Variants in CENPQ observed in about 807,000 individuals in gnomAD.
CENPQ encodes chromosome 6 open reading frame 139.
CENPQ carries 27 observed loss-of-function variants against 36.6 expected under a neutral mutation model. That is an observed-to-expected ratio of 0.74 (90% CI 0.54 to 1.02). The LOEUF (loss-of-function observed/expected upper bound fraction) is 1.02, where lower values mean the gene tolerates loss of function less well. Ranked by LOEUF, CENPQ falls within the 50% of genes least tolerant of loss-of-function variation. CENPQ has a pLI of 0.00. For missense variants in CENPQ, 306 were observed against 301.8 expected (o/e 1.01, Z -0.10); for synonymous variants, 101 against 101.7 (o/e 0.99, Z 0.04).
chr6:49,489,515 C>T (rs1423426235), intron 8 of CENPQ, among the ~76,000 whole-genome samples: 2 of 152,186 alleles, frequency 1.3e-5, no homozygotes, highest in African/African-American at 4.8e-5. Context: ...TTTTTCTAAA[C>T]TCCTGTTATT....
intron 6 of CENPQ, among the ~76,000 whole-genome samples, chr6:49,482,047 C>T (rs560369719): frequency 1.6e-4 from 24 of 152,304 alleles, no homozygotes; most frequent in African/African-American, 5.1e-4. Context: ...CAGTACACCC[C>T]CCGCAGCCGC....
chr6:49,464,362 G>A (rs180894632), intron 1 of CENPQ, among the ~76,000 whole-genome samples: 1 of 152,158 alleles, frequency 6.6e-6, no homozygotes, highest in Admixed American at 6.5e-5. Flanking sequence ...TCTTTTTGCT[G>A]GTGGAGGGTC....
At chr6:49,470,830 T>A in intron 2 of CENPQ, 144 bp from the exon 3 acceptor site, 6 of 415,866 alleles carry the variant, frequency 1.4e-5, no homozygotes, top group Non-Finnish European at 2.5e-5. Flanking sequence ...CCATTTTTCT[T>A]TAGAAGTAGC....
Position 49,488,333 on chromosome 6 carries a change from T to C in CENPQ, c.478-19T>C. On this transcript the variant is annotated intron_variant, in intron 6 of 8. Transcript: ENST00000335783. ...TAATGTGTTTAAGTTAAAATGTTTT[T>C]TTTCTCTTTCTGACTCAGGAAGAAA... 1 of 1,565,204 alleles carries C rather than the reference T, an allele frequency of 6.4e-7. No homozygotes were observed. The highest frequency in any genetic ancestry group is 1.2e-5 in the South Asian group (1 of 84,186).
intron 6 of CENPQ, among the ~76,000 whole-genome samples, chr6:49,482,441 A>C (rs1426810458): frequency 6.6e-6 from 1 of 151,620 alleles, no homozygotes; most frequent in Non-Finnish European, 1.5e-5. Flanking sequence ...CCTGATGACC[A>C]CTCTAGCTAC....
chr6:49,470,149 T>C lies in CENPQ; in HGVS notation c.-18-10T>C. The C allele has an allele frequency of 3.1e-6, 4 of 1,302,596 alleles. No homozygotes were observed. Among genetic ancestry groups the C allele is most frequent in the Non-Finnish European group, 4.3e-6 (4 of 929,774 alleles). 80.7% of individuals were successfully genotyped at this position (1,302,596 alleles called of 1,614,324 possible). Reference sequence around the variant, plus strand: ...ATTTTCATCTTTACAGATTTTTTTTTTTTTCGAAGCACTGTGTTTAGATCA... The same window carrying C: ...ATTTTCATCTTTACAGATTTTTTTTCTTTTCGAAGCACTGTGTTTAGATCA... On this transcript the variant is annotated splice_polypyrimidine_tract_variant and intron_variant, in intron 1 of 8. Transcript: ENST00000335783.
chr6:49,489,668 T>C (rs991805592), intron 8 of CENPQ, among the ~76,000 whole-genome samples: 1 of 152,250 alleles, frequency 6.6e-6, no homozygotes, highest in Non-Finnish European at 1.5e-5. Flanking sequence ...TTATGAAATG[T>C]ATTTCTTAAG....
rs1768097986 is a variant in CENPQ at position 49,470,289 on chromosome 6, T to G, written c.102+11T>G. The G allele has an allele frequency of 6.6e-7, 1 of 1,508,050 alleles. No homozygotes were observed. The highest frequency in any genetic ancestry group is 1.4e-5 in the African/African-American group (1 of 72,024). The allele number at this position is 1,508,050 out of a possible 1,614,324, so 93.4% of individuals were successfully genotyped here. ...TTGTCAGAGAATAAGGTAATGAAAATATCAAGTTTCTCATTTAGAAATCTT... is the reference window on the plus strand; with the variant it reads ...TTGTCAGAGAATAAGGTAATGAAAAGATCAAGTTTCTCATTTAGAAATCTT... On this transcript the variant is annotated intron_variant, in intron 2 of 8. Coordinates refer to ENST00000335783, the MANE Select transcript of CENPQ (RefSeq NM_018132.4).
intron 5 of CENPQ, among the ~76,000 whole-genome samples, chr6:49,480,218 T>C (rs1403446239): frequency 2.6e-5 from 4 of 152,168 alleles, no homozygotes; most frequent in African/African-American, 9.7e-5. Context: ...CCAAAGATAC[T>C]GCTGTTATAA....
chr6:49,484,900 C>A (rs1023375825), intron 6 of CENPQ, among the ~76,000 whole-genome samples: 2 of 152,100 alleles, frequency 1.3e-5, no homozygotes, highest in African/African-American at 4.8e-5. Flanking sequence ...AAAGTATAAT[C>A]ATGGAGAATT....
chr6:49,471,035 C>A lies in CENPQ; in HGVS notation c.157+7C>A. ...AAAGATCTGTCTTCTGAAGGTATTTCTTTTCTATTACCTTGTTTAACCTGC... is the reference window on the plus strand; with the variant it reads ...AAAGATCTGTCTTCTGAAGGTATTTATTTTCTATTACCTTGTTTAACCTGC... On this transcript the variant is annotated splice_region_variant and intron_variant, in intron 3 of 8. Coordinates refer to ENST00000335783, the MANE Select transcript of CENPQ (RefSeq NM_018132.4). The A allele has an allele frequency of 2.0e-6, 3 of 1,483,440 alleles. No homozygotes were observed. Among genetic ancestry groups the A allele is most frequent in the African/African-American group, 1.4e-5 (1 of 71,434 alleles). 91.9% of individuals were successfully genotyped at this position (1,483,440 alleles called of 1,614,324 possible). A position where few individuals can be genotyped will look rare whatever the true frequency, so the allele number is the denominator to read the frequency against.
At chr6:49,477,809 G>T (rs1456633416) in intron 5 of CENPQ, among the ~76,000 whole-genome samples, 2 of 152,100 alleles carry the variant, frequency 1.3e-5, no homozygotes, top group Non-Finnish European at 2.9e-5. Flanking sequence ...TTGCTTAAAG[G>T]TATAGCAGCC....
At position 49,482,730 on chromosome 6, in the gene CENPQ, C is replaced by T. The variant is rs544775039; in HGVS notation, c.477+1650C>T. 2.0e-5 allele frequency among the ~76,000 whole-genome samples: 3 copies of T among 152,206 alleles called. No individual in the cohort carries two copies. In the South Asian group the frequency reaches 6.2e-4, roughly 32 times the overall value. On this transcript the variant is annotated intron_variant, in intron 6 of 8. Transcript: ENST00000335783. ...CGATAGGCGAAGGTCCCTTTGTGGT[C>T]GCCAAAATGTGTCTGGAGTTGGTGG...
intron 5 of CENPQ, among the ~76,000 whole-genome samples, chr6:49,475,314 A>G (rs12212022): frequency 0.37 from 56,366 of 152,014 alleles, 10,714 homozygotes; most frequent in African/African-American, 0.44. Context: ...CCAAACCAAA[A>G]ACAAAAACCA....
intron 1 of CENPQ, among the ~76,000 whole-genome samples, 181 bp from the exon 2 acceptor site, chr6:49,469,978 A>G (rs1384913151): frequency 6.6e-6 from 1 of 151,994 alleles, no homozygotes; most frequent in Non-Finnish European, 1.5e-5. Flanking sequence ...ATTTCTTTTA[A>G]AAAATGCTTG....
chr6:49,469,388 A>G (rs1768075823), intron 1 of CENPQ, among the ~76,000 whole-genome samples: 1 of 152,204 alleles, frequency 6.6e-6, no homozygotes, highest in African/African-American at 2.4e-5. Context: ...ATTTCCTTGT[A>G]TACTGCACCT....
chr6:49,468,882 G>A (rs1047900069), intron 1 of CENPQ, among the ~76,000 whole-genome samples: 1 of 151,256 alleles, frequency 6.6e-6, no homozygotes, highest in African/African-American at 2.4e-5. Flanking sequence ...GCCCTTCCAG[G>A]AGAGATCTAC....
chr6:49,491,923 C>T (rs1768729301), intron 8 of CENPQ, among the ~76,000 whole-genome samples: 1 of 152,000 alleles, frequency 6.6e-6, no homozygotes, highest in Non-Finnish European at 1.5e-5. Flanking sequence ...CTCAAAAAAA[C>T]AAAAACAAAC....
chr6:49,481,964 C>T (rs1768442364), intron 6 of CENPQ, among the ~76,000 whole-genome samples: 1 of 152,306 alleles, frequency 6.6e-6, no homozygotes, highest in African/African-American at 2.4e-5. Context: ...CTGAGCCCTG[C>T]CCCACAGGGA....
Sources: allele counts gnomAD v4.1 joint callset (sites outside exome capture counted in the v4.1 genomes callset), GRCh38; gene constraint gnomAD v4.1.1; transcripts MANE v1.5; gene names NCBI Gene and HGNC (gene_info 2026-07-23, HGNC 2026-07-21).